The following TENM2 variants were observed in gnomAD, a reference collection of about 807,000 sequenced individuals.
TENM2 encodes teneurin-2.
Under a neutral mutation model 245.2 loss-of-function variants are expected in TENM2, and 52 were observed. That is an observed-to-expected ratio of 0.21 (90% CI 0.17 to 0.27). The LOEUF (loss-of-function observed/expected upper bound fraction) is 0.27, where lower values mean the gene tolerates loss of function less well. Ranked by LOEUF, TENM2 falls within the 10% of genes least tolerant of loss-of-function variation. The probability of loss-of-function intolerance (pLI) is 1.00; values close to 1 mark genes in which losing one functional copy is unlikely to be tolerated. For synonymous variants in TENM2, 1,363 were observed against 1,438.9 expected (o/e 0.95, Z 1.19); for missense variants, 3,046 against 3,666.8 (o/e 0.83, Z 4.37).
intron 4 of TENM2, 38 bp from the exon 7 acceptor site, chr5:167,992,906 A>C (rs1341598437): frequency 6.5e-7 from 1 of 1,534,740 alleles, no homozygotes; most frequent in Non-Finnish European, 9.0e-7. Flanking sequence ...CTCCTTGGCT[A>C]CCCATGACCA....
the TENM2 span, among the ~76,000 whole-genome samples, chr5:167,040,230 T>G: frequency 6.6e-6 from 1 of 152,102 alleles, no homozygotes; most frequent in African/African-American, 2.4e-5. Context: ...GTATCACAAG[T>G]TGATTGCTGT....
chr5:167,127,955 C>T, the TENM2 span, among the ~76,000 whole-genome samples: 3 of 152,124 alleles, frequency 2.0e-5, no homozygotes, highest in Non-Finnish European at 4.4e-5. Context: ...AGTGTCTCAA[C>T]CCCCTCACCC....
chr5:167,913,113 A>G (rs1314989665), intron 3 of TENM2, among the ~76,000 whole-genome samples: 1 of 152,184 alleles, frequency 6.6e-6, no homozygotes. Context: ...GCATTGCCAT[A>G]ATGTTGAGAA....
the TENM2 span, among the ~76,000 whole-genome samples, chr5:167,108,107 C>T: frequency 3.9e-5 from 6 of 152,116 alleles, no homozygotes; most frequent in South Asian, 1.2e-3. Flanking sequence ...TTCTCTCTTA[C>T]TTGACTGTGA....
At chr5:167,595,798 T>A (rs1776164354) in intron 2 of TENM2, among the ~76,000 whole-genome samples, 1 of 152,284 alleles carries the variant, frequency 6.6e-6, no homozygotes, top group South Asian at 2.1e-4. Context: ...TACAAATAGA[T>A]CCTTGTTTAA....
At chr5:167,736,112 T>A (rs1760778187) in intron 2 of TENM2, among the ~76,000 whole-genome samples, 1 of 152,046 alleles carries the variant, frequency 6.6e-6, no homozygotes, top group Admixed American at 6.6e-5. Context: ...AAACTTACAA[T>A]CATGGTGGAA....
At chr5:167,631,834 A>C (rs1054774339) in intron 2 of TENM2, among the ~76,000 whole-genome samples, 1 of 152,116 alleles carries the variant, frequency 6.6e-6, no homozygotes, top group Non-Finnish European at 1.5e-5. Context: ...ACTCTCATAA[A>C]TACTTTACCC....
chr5:167,664,842 G>A (rs1346574037), intron 2 of TENM2, among the ~76,000 whole-genome samples: 1 of 152,092 alleles, frequency 6.6e-6, no homozygotes, highest in Non-Finnish European at 1.5e-5. Context: ...TCCCTAACTG[G>A]GAAAGATCTA....
rs564839965 is a variant in TENM2 at position 168,199,188 on chromosome 5, G to A, written c.3162+74G>A. On this transcript the variant is annotated intron_variant, in intron 16 of 28. Coordinates refer to ENST00000518659, the Ensembl canonical transcript of TENM2. ...AACCAACTGGACACTGCCTCTCCCC[G>A]AGTGGACCAGAAACTAATATTGTAG... 86 of 1,456,238 alleles carry A rather than the reference G, an allele frequency of 5.9e-5. 2 individuals carry two copies. The South Asian group carries it at 9.4e-4, about 16-fold the overall frequency. The allele number at this position is 1,456,238 out of a possible 1,614,324, so 90.2% of individuals were successfully genotyped here.
intron 1 of TENM2, among the ~76,000 whole-genome samples, chr5:167,341,884 T>C (rs1758121978): frequency 6.6e-6 from 1 of 152,134 alleles, no homozygotes; most frequent in Non-Finnish European, 1.5e-5. Flanking sequence ...CCAAACAATT[T>C]CCCCAATTCA....
In TENM2 at chr5:168,125,929, T is replaced by G. The variant is rs80051243; in HGVS notation, c.2210-825T>G. On this transcript the variant is annotated intron_variant, in intron 11 of 28. Transcript: ENST00000518659. The stretch of plus-strand genomic sequence containing the variant: ...TACAGATATGCTGTGTGACTTTGAG[T>G]GAGTCACTGGCCCCACTCCCCGGCC... Among the ~76,000 whole-genome samples the G allele has an allele frequency of 1.3e-4, 20 of 152,090 alleles. No homozygotes were observed. In the East Asian group the frequency reaches 3.9e-3, roughly 29 times the overall value.
At chr5:168,125,038 G>A (rs1371911013) in exon 11 of TENM2, 8 of 1,606,814 alleles carry the variant, frequency 5.0e-6, no homozygotes, top group South Asian at 2.2e-5. Context: ...GATGGGTCCC[G>A]ACTGCTCTGT....
intron 2 of TENM2, among the ~76,000 whole-genome samples, chr5:167,429,607 C>CTTTTT (rs10587909): frequency 1.3e-4 from 10 of 78,730 alleles, no homozygotes; most frequent in Non-Finnish European, 2.0e-4. Context: ...CTCTCTCTCT[C>CTTTTT]TTTTTTTTTT....
At chr5:167,126,174 G>A in the TENM2 span, among the ~76,000 whole-genome samples, 9 of 152,120 alleles carry the variant, frequency 5.9e-5, no homozygotes, top group Non-Finnish European at 8.8e-5. Context: ...GTAGATATAA[G>A]AACTTGAGCC....
chr5:167,960,356 G>T (rs1020782555), intron 4 of TENM2, among the ~76,000 whole-genome samples: 6 of 152,208 alleles, frequency 3.9e-5, no homozygotes, highest in Non-Finnish European at 5.9e-5. Context: ...ATAAGCCTCT[G>T]ACTGGGTCTG....
intron 2 of TENM2, among the ~76,000 whole-genome samples, chr5:167,763,196 T>A (rs1269446770): frequency 6.6e-6 from 1 of 152,242 alleles, no homozygotes; most frequent in East Asian, 1.9e-4. Flanking sequence ...AGCAAGTGAA[T>A]GCTTTAAAAG....
chr5:167,610,376 A>AGCCCT (rs1777393741), intron 2 of TENM2, among the ~76,000 whole-genome samples: 1 of 152,216 alleles, frequency 6.6e-6, no homozygotes, highest in Admixed American at 6.5e-5. Flanking sequence ...CTCAACCTTC[A>AGCCCT]GCCCTTCTCC....
chr5:167,877,686 C>A (rs192831111), intron 3 of TENM2, among the ~76,000 whole-genome samples: 2 of 152,222 alleles, frequency 1.3e-5, no homozygotes, highest in Admixed American at 6.5e-5. Context: ...AAAATGAAAT[C>A]GGAAAATGCT....
At chr5:167,385,517 T>TTTTTTTTTTTTTTTTTTTTTA (rs1761369601) in intron 2 of TENM2, among the ~76,000 whole-genome samples, 1 of 150,150 alleles carries the variant, frequency 6.7e-6, no homozygotes, top group Non-Finnish European at 1.5e-5. Context: ...TTTTTTTTTT[T>TTTTTTTTTTTTTTTTTTTTTA]ACTTCCATAG....
Sources: allele counts gnomAD v4.1 joint callset (sites outside exome capture counted in the v4.1 genomes callset), GRCh38; gene constraint gnomAD v4.1.1; transcripts MANE v1.5; gene names NCBI Gene and HGNC (gene_info 2026-07-23, HGNC 2026-07-21).